FBXL17: variants seen among roughly 807,000 people sequenced by gnomAD.
FBXL17 encodes F-box/LRR-repeat protein 17.
In FBXL17, 22 loss-of-function variants were observed where a neutral mutation model predicts 66.2. The ratio of observed to expected loss-of-function variants is 0.33; its 90% CI spans 0.24 to 0.47. FBXL17 has a LOEUF of 0.47. Ranked by LOEUF, FBXL17 falls within the 20% of genes least tolerant of loss-of-function variation. The probability of loss-of-function intolerance (pLI) is 1.00; values close to 1 mark genes in which losing one functional copy is unlikely to be tolerated. For missense variants in FBXL17, 878 were observed against 948.2 expected (o/e 0.93, Z 0.97); for synonymous variants, 474 against 400.5 (o/e 1.18, Z -2.19).
At chr5:108,258,220 T>C (rs1000309480) in intron 4 of FBXL17, among the ~76,000 whole-genome samples, 1 of 152,176 alleles carries the variant, frequency 6.6e-6, no homozygotes, top group African/African-American at 2.4e-5. Flanking sequence ...CTCTGCTATG[T>C]GATGACATAG....
chr5:108,043,353 T>C lies in FBXL17; in HGVS notation c.1746-22352A>G, dbSNP rs145136032. On this transcript the variant is annotated intron_variant, in intron 6 of 8. Transcript: ENST00000542267. ...CCTAGGTTTCTTTCTACAAGTTTTA[T>C]AGTTTTATGTTTTACATTTAAATCT... Among the ~76,000 whole-genome samples the C allele has an allele frequency of 3.0e-3, 453 of 152,296 alleles. 1 individual carries two copies. Among genetic ancestry groups the C allele is most frequent in the African/African-American group, 0.011 (439 of 41,560 alleles).
chr5:107,958,919 A>C (rs1251691115), intron 7 of FBXL17, among the ~76,000 whole-genome samples: 1 of 152,236 alleles, frequency 6.6e-6, no homozygotes, highest in East Asian at 1.9e-4. Context: ...TCATTTTCTT[A>C]AAATAAATTC....
chr5:108,251,394 G>A (rs1756344638), intron 4 of FBXL17, among the ~76,000 whole-genome samples: 1 of 151,932 alleles, frequency 6.6e-6, no homozygotes, highest in Non-Finnish European at 1.5e-5. Flanking sequence ...ATTTTCTTAT[G>A]TAGACAGAGT....
In FBXL17 at chr5:108,299,296, T is replaced by C. The variant is rs558655786; in HGVS notation, c.1506+49103A>G. Reference sequence around the variant, plus strand: ...CTCTCTTCTATTTCCAAATTAAACCTGAGGTTCTCACCCACCCATCTCCCT... The same window carrying C: ...CTCTCTTCTATTTCCAAATTAAACCCGAGGTTCTCACCCACCCATCTCCCT... On this transcript the variant is annotated intron_variant, in intron 4 of 8. Coordinates refer to ENST00000542267, the MANE Select transcript of FBXL17 (RefSeq NM_001163315.3). 5.1e-6 allele frequency: 5 copies of C among 984,768 alleles called. No individual in the cohort carries two copies. The South Asian group carries it at 1.9e-4, about 37-fold the overall frequency. 61.0% of individuals were successfully genotyped at this position (984,768 alleles called of 1,614,324 possible).
intron 6 of FBXL17, among the ~76,000 whole-genome samples, chr5:108,155,060 C>G (rs887983272): frequency 6.6e-6 from 1 of 152,112 alleles, no homozygotes; most frequent in Admixed American, 6.6e-5. Context: ...CTGATCAAAT[C>G]TTTTGTAACC....
chr5:107,875,102 TCTCTC>T (rs1270616131), intron 8 of FBXL17, among the ~76,000 whole-genome samples: 4 of 144,546 alleles, frequency 2.8e-5, no homozygotes, highest in Admixed American at 6.7e-5. Context: ...TTTCTCTCTC[TCTCTC>T]TTTTTTTTTT....
chr5:107,871,057 CAAAAA>C (rs201752049), intron 8 of FBXL17, among the ~76,000 whole-genome samples: 14,759 of 65,844 alleles, frequency 0.22, 1,280 homozygotes, highest in East Asian at 0.47. Flanking sequence ...TCTTGGGCGG[CAAAAA>C]AAAAAAAAAA....
At chr5:108,108,190 C>A (rs781045418) in intron 6 of FBXL17, among the ~76,000 whole-genome samples, 2 of 152,212 alleles carry the variant, frequency 1.3e-5, no homozygotes, top group Non-Finnish European at 1.5e-5. Flanking sequence ...TATACCCCAC[C>A]TTCTACATCC....
intron 6 of FBXL17, among the ~76,000 whole-genome samples, chr5:108,181,323 C>A (rs1752994678): frequency 6.6e-6 from 1 of 152,122 alleles, no homozygotes. Context: ...GTCCTCTTTT[C>A]ATAAAACACT....
In FBXL17 at chr5:108,373,198, T is replaced by C. The variant is rs578023278; in HGVS notation, c.994-5245A>G. On this transcript the variant is annotated intron_variant, in intron 1 of 8. Transcript: ENST00000542267. Reference sequence around the variant, plus strand: ...TATACATATTCTCACATTACATAAATATAACATATCTAAATATATTATATT... The same window carrying C: ...TATACATATTCTCACATTACATAAACATAACATATCTAAATATATTATATT... Among the ~76,000 whole-genome samples, 328 of 124,740 alleles carry C rather than the reference T, an allele frequency of 2.6e-3. 3 individuals are homozygous for C. The highest frequency in any genetic ancestry group is 9.6e-3 in the African/African-American group (313 of 32,762). 81.8% of individuals were successfully genotyped at this position (124,740 alleles called of 152,430 possible).
At chr5:108,160,351 G>A (rs1752162456) in intron 6 of FBXL17, among the ~76,000 whole-genome samples, 1 of 152,144 alleles carries the variant, frequency 6.6e-6, no homozygotes, top group South Asian at 2.1e-4. Flanking sequence ...TATAAATGTA[G>A]CTTTTTCCTA....
chr5:108,126,654 TATATATATA>T (rs1561423086), intron 6 of FBXL17, among the ~76,000 whole-genome samples: 7 of 126,870 alleles, frequency 5.5e-5, no homozygotes, highest in Admixed American at 4.7e-4. Flanking sequence ...TCTCTCTCTA[TATATATATA>T]CATATATATA....
At chr5:108,121,470 T>A (rs955462211) in intron 6 of FBXL17, among the ~76,000 whole-genome samples, 1 of 152,184 alleles carries the variant, frequency 6.6e-6, no homozygotes, top group Admixed American at 6.5e-5. Flanking sequence ...TTCTAAGTTA[T>A]ACAGAATGAG....
At chr5:108,278,067 C>A (rs1757556259) in intron 4 of FBXL17, among the ~76,000 whole-genome samples, 1 of 152,122 alleles carries the variant, frequency 6.6e-6, no homozygotes, top group Non-Finnish European at 1.5e-5. Context: ...GGAGAAAAGG[C>A]AGCCTGCTTG....
chr5:107,937,623 T>C (rs1750955861), intron 7 of FBXL17, among the ~76,000 whole-genome samples: 1 of 152,184 alleles, frequency 6.6e-6, no homozygotes, highest in Non-Finnish European at 1.5e-5. Flanking sequence ...AATACAATAA[T>C]ACTGTAAGCT....
chr5:107,985,636 C>T (rs1752986303), intron 7 of FBXL17, among the ~76,000 whole-genome samples: 1 of 152,210 alleles, frequency 6.6e-6, no homozygotes, highest in Non-Finnish European at 1.5e-5. Flanking sequence ...TCTATATCCA[C>T]ATACCTTTTC....
chr5:108,266,479 G>C lies in FBXL17; in HGVS notation c.1507-42251C>G, dbSNP rs369800702. Among the ~76,000 whole-genome samples, 11 of 152,208 alleles carry C rather than the reference G, an allele frequency of 7.2e-5. No individual in the cohort carries two copies. In the East Asian group the frequency reaches 1.9e-3, roughly 27 times the overall value. Reference sequence around the variant, plus strand: ...CCTTAGTCACTCAGTGGCTGGCTCAGTTATCAAATCAACTGTCAGGGTATT... The same window carrying C: ...CCTTAGTCACTCAGTGGCTGGCTCACTTATCAAATCAACTGTCAGGGTATT... On this transcript the variant is annotated intron_variant, in intron 4 of 8. Transcript: ENST00000542267.
intron 6 of FBXL17, among the ~76,000 whole-genome samples, chr5:108,056,434 C>T (rs1747711814): frequency 6.6e-6 from 1 of 152,190 alleles, no homozygotes; most frequent in South Asian, 2.1e-4. Flanking sequence ...TGTTCACTCC[C>T]TTTCTGTGAT....
At chr5:108,379,088 G>A (rs759326902) in intron 1 of FBXL17, among the ~76,000 whole-genome samples, 3 of 152,168 alleles carry the variant, frequency 2.0e-5, no homozygotes, top group Admixed American at 6.5e-5. Flanking sequence ...ATATGAAAGA[G>A]AACAACGCGG....
Sources: gnomAD v4.1 joint callset for allele counts (sites outside exome capture counted in the v4.1 genomes callset) on GRCh38, gnomAD v4.1.1 for gene constraint, MANE v1.5 for transcripts, NCBI Gene and HGNC (gene_info 2026-07-23, HGNC 2026-07-21) for gene names.